TSGA13: variants seen among roughly 807,000 people sequenced by gnomAD.
TSGA13 encodes the protein testis specific 13.
Under a neutral mutation model 35.1 loss-of-function variants are expected in TSGA13, and 37 were observed. The ratio of observed to expected loss-of-function variants is 1.05; its 90% confidence interval spans 0.81 to 1.39. The LOEUF is 1.39. Ranked by LOEUF, TSGA13 falls within the 40% of genes most tolerant of loss-of-function variation. The pLI is 0.00. For synonymous variants in TSGA13, 124 were observed against 121.2 expected, an observed-to-expected ratio of 1.02 and a Z score of -0.15; for missense variants, 338 against 328.5, an observed-to-expected ratio of 1.03 and a Z score of -0.22.
At chr7:130,681,447 C>G (rs1324078937) in intron 3 of TSGA13, among the ~76,000 whole-genome samples, 3 of 152,048 alleles carry the variant, frequency 2.0e-5, no homozygotes, top group Admixed American at 1.3e-4. Context: ...TTCAAAAGGG[C>G]ATTAACCTAA....
intron 5 of TSGA13, among the ~76,000 whole-genome samples, chr7:130,678,749 C>T (rs1169249224): frequency 6.6e-6 from 1 of 152,130 alleles, no homozygotes; most frequent in Non-Finnish European, 1.5e-5. Context: ...AGACCAAGTG[C>T]AGTGGCTCAC....
rs782683616 is a variant in TSGA13, at chr7:130,679,224, G to A, written c.318C>T (p.Cys106=). The part of the protein sequence containing the change: ...LLIMTNNPPP[C]SITQQDKESA... Reference sequence around the variant, plus strand: ...TCTCCTTGTCTTGCTGGGTGATTGAGCAGGGAGGTGGGTTGTTGGTCATAA... The same window carrying A: ...TCTCCTTGTCTTGCTGGGTGATTGAACAGGGAGGTGGGTTGTTGGTCATAA... The change falls in exon 5 of 8, where the codon TGC becomes TGT. Residue 106 remains cysteine (C), a synonymous_variant. Coordinates refer to ENST00000356588, the MANE Select transcript of TSGA13 (RefSeq NM_052933.4). The A allele has an allele frequency of 6.2e-7, 1 of 1,614,132 alleles. No homozygotes were observed. Among genetic ancestry groups the A allele is most frequent in the Non-Finnish European group, 8.5e-7 (1 of 1,180,012 alleles).
chr7:130,677,471 C>G (rs546621751), intron 5 of TSGA13, among the ~76,000 whole-genome samples: 60 of 151,960 alleles, frequency 3.9e-4, no homozygotes, highest in African/African-American at 1.3e-3. Context: ...GTCGCCCATG[C>G]TGGAATGCAG....
intron 1 of TSGA13, among the ~76,000 whole-genome samples, chr7:130,685,885 GA>G (rs1796646560): frequency 1.3e-5 from 2 of 152,204 alleles, no homozygotes; most frequent in Non-Finnish European, 2.9e-5. Flanking sequence ...TTAGAGAAAA[GA>G]AAGGTCAGTG....
At chr7:130,671,265 ATAAG>A in intron 7 of TSGA13, among the ~76,000 whole-genome samples, 2 of 152,356 alleles carry the variant, frequency 1.3e-5, no homozygotes, top group South Asian at 4.1e-4. Flanking sequence ...TAAATTTGAT[ATAAG>A]TGTTTCAGAA....
intron 7 of TSGA13, among the ~76,000 whole-genome samples, chr7:130,669,924 C>G (rs1584628227): frequency 1.3e-5 from 2 of 152,140 alleles, no homozygotes; most frequent in East Asian, 3.8e-4. Flanking sequence ...AGGAAACATC[C>G]TCTTCCTCTT....
At chr7:130,680,301 T>G (rs531381487) in intron 4 of TSGA13, among the ~76,000 whole-genome samples, 1 of 152,102 alleles carries the variant, frequency 6.6e-6, no homozygotes, top group South Asian at 2.1e-4. Context: ...GGTCAGGAGA[T>G]CGAGACCATC....
At position 130,680,938 on chromosome 7, in the gene TSGA13, C is replaced by T. The variant is rs782443529; in HGVS notation, c.174+8G>A. The T allele has an allele frequency of 6.8e-6, 11 of 1,613,894 alleles. No individual in the cohort carries two copies. The East Asian group carries it at 2.5e-4, about 36-fold the overall frequency. On this transcript the variant is annotated splice_region_variant and intron_variant, in intron 4 of 7. Transcript: ENST00000356588. ...TAGAGATCTTGGGGGAATGCTTTCTCTACCTACCAAATTTGGATGGACTGT... is the reference window on the plus strand; with the variant it reads ...TAGAGATCTTGGGGGAATGCTTTCTTTACCTACCAAATTTGGATGGACTGT...
rs1264197900 is a variant in TSGA13, at chr7:130,672,963, C to T, written c.388-87G>A. 5.0e-6 allele frequency: 7 copies of T among 1,411,878 alleles called. No individual in the cohort carries two copies. In the Admixed American group the frequency reaches 1.8e-4, roughly 37 times the overall value. The allele number at this position is 1,411,878 out of a possible 1,614,324, so 87.5% of individuals were successfully genotyped here. Reference sequence around the variant, plus strand: ...TGGACCAAGTTCCTGGACTAAGTTCCAATTCCCCTACAATCATGCAACAAA... The same window carrying T: ...TGGACCAAGTTCCTGGACTAAGTTCTAATTCCCCTACAATCATGCAACAAA... On this transcript the variant is annotated intron_variant, in intron 5 of 7. Transcript: ENST00000356588.
chr7:130,679,911 C>T (rs1331090688), intron 4 of TSGA13, among the ~76,000 whole-genome samples: 5 of 152,058 alleles, frequency 3.3e-5, no homozygotes, highest in East Asian at 1.9e-4. Flanking sequence ...AAGGGGCTGG[C>T]GCAATGTGAT....
chr7:130,678,788 G>A (rs1796470309), intron 5 of TSGA13, among the ~76,000 whole-genome samples: 1 of 152,120 alleles, frequency 6.6e-6, no homozygotes, highest in Admixed American at 6.6e-5. Flanking sequence ...TTGGGAGGCC[G>A]AGGCTGGAGA....
chr7:130,680,464 C>T (rs1421757429), intron 4 of TSGA13, among the ~76,000 whole-genome samples: 1 of 150,524 alleles, frequency 6.6e-6, no homozygotes, highest in African/African-American at 2.4e-5. Flanking sequence ...CGAGATCGCA[C>T]CACTGCACTC....
chr7:130,671,512 TTTG>T, intron 7 of TSGA13, 146 bp downstream of exon 7: 1 of 861,596 alleles, frequency 1.2e-6, no homozygotes, highest in Non-Finnish European at 1.6e-6. Context: ...TGAGCCTCTA[TTTG>T]TTGTTAACTT....
chr7:130,674,688 T>A (rs11771505), intron 5 of TSGA13, among the ~76,000 whole-genome samples: 27,679 of 152,204 alleles, frequency 0.18, 2,790 homozygotes, highest in Middle Eastern at 0.25. Flanking sequence ...ATAGTAGATG[T>A]TCAATAAATA....
chr7:130,671,397 A>G (rs1321332959), intron 7 of TSGA13, among the ~76,000 whole-genome samples: 3 of 152,228 alleles, frequency 2.0e-5, no homozygotes, highest in Non-Finnish European at 4.4e-5. Flanking sequence ...TAATACATCA[A>G]TATGGCAAAA....
chr7:130,684,808 T>C (rs1796623507), intron 2 of TSGA13, among the ~76,000 whole-genome samples: 1 of 152,202 alleles, frequency 6.6e-6, no homozygotes, highest in Admixed American at 6.5e-5. Context: ...GTTTGTGCCC[T>C]TTCATTAAGT....
intron 5 of TSGA13, among the ~76,000 whole-genome samples, chr7:130,677,369 T>G (rs1796437819): frequency 6.6e-6 from 1 of 152,184 alleles, no homozygotes; most frequent in Non-Finnish European, 1.5e-5. Flanking sequence ...CAAAACAGTC[T>G]TCCTAAAATG....
At chr7:130,687,005 AGTAGCT>A (rs1554465863), upstream of TSGA13, 1 of 152,466 alleles carries the variant, frequency 6.6e-6, no homozygotes. Context: ...CAGCCTCCAG[AGTAGCT>A]GGGACTACAG....
intron 6 of TSGA13, 111 bp downstream of exon 6, chr7:130,672,623 T>C (rs1796304235): frequency 1.4e-6 from 2 of 1,415,068 alleles, no homozygotes; most frequent in Non-Finnish European, 1.9e-6. Flanking sequence ...CGTGTCTTAC[T>C]ATCTTTGTAC....
Sources: gnomAD v4.1 joint callset for allele counts (sites outside exome capture counted in the v4.1 genomes callset) on GRCh38, gnomAD v4.1.1 for gene constraint, MANE v1.5 for transcripts, NCBI Gene and HGNC (gene_info 2026-07-23, HGNC 2026-07-21) for gene names.